The following PARP8 variants were observed in gnomAD, a reference collection of about 807,000 sequenced individuals.
PARP8 encodes the protein protein mono-ADP-ribosyltransferase PARP8.
PARP8 carries 51 observed loss-of-function variants against 124.1 expected under a neutral mutation model. The observed-to-expected ratio is 0.41, with a 90% CI of 0.33 to 0.52. The LOEUF (loss-of-function observed/expected upper bound fraction) is 0.52, where lower values mean the gene tolerates loss of function less well. PARP8 is among the 20% of genes least tolerant of loss of function. The probability of loss-of-function intolerance (pLI) is 0.21; values close to 1 mark genes in which losing one functional copy is unlikely to be tolerated. For missense variants in PARP8, 860 were observed against 1,018.9 expected (o/e 0.84, Z 2.12); for synonymous variants, 391 against 361.5 (o/e 1.08, Z -0.93).
chr5:50,819,672 C>T (rs1028310048), intron 15 of PARP8, among the ~76,000 whole-genome samples: 1 of 152,016 alleles, frequency 6.6e-6, no homozygotes, highest in African/African-American at 2.4e-5. Context: ...AACTCCTGAC[C>T]TCAGGCAATC....
intron 2 of PARP8, among the ~76,000 whole-genome samples, chr5:50,694,495 C>A (rs1752816681): frequency 6.6e-6 from 1 of 151,942 alleles, no homozygotes; most frequent in Non-Finnish European, 1.5e-5. Flanking sequence ...GTCTTGTAAC[C>A]ACATTTCTTG....
intron 2 of PARP8, among the ~76,000 whole-genome samples, chr5:50,746,463 C>A (rs1273549737): frequency 6.6e-6 from 1 of 152,100 alleles, no homozygotes; most frequent in Non-Finnish European, 1.5e-5. Flanking sequence ...AGGTACATAA[C>A]ATGTAAGCAA....
At chr5:50,785,423 G>A (rs998639155) in intron 9 of PARP8, among the ~76,000 whole-genome samples, 7 of 151,896 alleles carry the variant, frequency 4.6e-5, no homozygotes, top group African/African-American at 1.2e-4. Flanking sequence ...AGTGCATTTC[G>A]GATTTTTCTA....
Position 50,821,268 on chromosome 5 carries a change from T to A in PARP8, c.1724T>A (p.Val575Asp), listed in dbSNP as rs1485967645. The change falls in exon 16 of 26, where the codon GTT (valine) becomes GAT (aspartate). Residue 575 changes from valine to aspartate, a missense_variant. Transcript: ENST00000281631. Reference sequence around the variant, plus strand: ...TCTGCGTTGGAATCTCCTAGAAAAGTTGTGATTTTCGAGCCATATCCTTCT... The same window carrying A: ...TCTGCGTTGGAATCTCCTAGAAAAGATGTGATTTTCGAGCCATATCCTTCT... ...CRSALESPRK[V>D]VIFEPYPSVV... 6.2e-7 allele frequency: 1 copy of A among 1,611,160 alleles called. No individual in the cohort carries two copies. Among genetic ancestry groups the A allele is most frequent in the South Asian group, 1.1e-5 (1 of 90,826 alleles).
Position 50,666,902 on chromosome 5 carries a change from C to CG in PARP8, c.-194_-193insG. 1 of 1,293,882 alleles carries CG rather than the reference C, an allele frequency of 7.7e-7. No individual in the cohort carries two copies. The highest frequency in any genetic ancestry group is 9.7e-7 in the Non-Finnish European group (1 of 1,034,238). 80.2% of individuals were successfully genotyped at this position (1,293,882 alleles called of 1,614,324 possible). A position where few individuals can be genotyped will look rare whatever the true frequency, so the allele number is the denominator to read the frequency against. Reference sequence around the variant, plus strand: ...CATCTGGGAATGCAAAGCCGACCTCCCCCTCCTCCTCCTCCTCCCCCTCCT... The same window carrying CG: ...CATCTGGGAATGCAAAGCCGACCTCCGCCCTCCTCCTCCTCCTCCCCCTCCT... On this transcript the variant is annotated 5_prime_UTR_variant, in exon 1 of 26. The change creates a premature stop within an existing upstream ORF in the 5' untranslated region. Transcript: ENST00000281631.
intron 14 of PARP8, among the ~76,000 whole-genome samples, chr5:50,809,102 T>TAA (rs1744165107): frequency 6.6e-6 from 1 of 152,050 alleles, no homozygotes; most frequent in Non-Finnish European, 1.5e-5. Flanking sequence ...AAATAGAGAC[T>TAA]ACTGCATGTT....
At chr5:50,821,615 T>C (rs1339332485) in intron 16 of PARP8, among the ~76,000 whole-genome samples, 2 of 152,204 alleles carry the variant, frequency 1.3e-5, no homozygotes, top group Admixed American at 1.3e-4. Context: ...TCCCCAGCTA[T>C]CTGAAGGTTA....
chr5:50,771,760 G>T (rs1285026041), intron 7 of PARP8, among the ~76,000 whole-genome samples: 1 of 152,086 alleles, frequency 6.6e-6, no homozygotes, highest in East Asian at 1.9e-4. Context: ...GTGCAGATTT[G>T]TGGTTTACAG....
intron 9 of PARP8, among the ~76,000 whole-genome samples, chr5:50,785,586 T>C (rs1741160008): frequency 6.6e-6 from 1 of 152,228 alleles, no homozygotes; most frequent in African/African-American, 2.4e-5. Flanking sequence ...TGTTAGAATG[T>C]TCTTATTCAC....
At chr5:50,783,591 T>C in intron 9 of PARP8, among the ~76,000 whole-genome samples, 1 of 152,202 alleles carries the variant, frequency 6.6e-6, no homozygotes, top group Non-Finnish European at 1.5e-5. Flanking sequence ...ACATATTTGC[T>C]TTCTTAGTGA....
At chr5:50,750,537 A>G (rs1759122778) in intron 3 of PARP8, among the ~76,000 whole-genome samples, 1 of 152,014 alleles carries the variant, frequency 6.6e-6, no homozygotes, top group South Asian at 2.1e-4. Context: ...GGTAACATTT[A>G]TTTGTTTCAG....
intron 7 of PARP8, among the ~76,000 whole-genome samples, chr5:50,765,841 T>C (rs1353188130): frequency 2.6e-5 from 4 of 152,244 alleles, no homozygotes; most frequent in Non-Finnish European, 5.9e-5. Context: ...GGTCTTGAAA[T>C]CATCTTCCTT....
intron 2 of PARP8, among the ~76,000 whole-genome samples, chr5:50,671,631 T>TA (rs1464688597): frequency 6.6e-6 from 1 of 152,152 alleles, no homozygotes; most frequent in Non-Finnish European, 1.5e-5. Flanking sequence ...TGTGTCTATA[T>TA]ACATATAAAA....
chr5:50,779,070 C>G (rs1379065260), intron 9 of PARP8, among the ~76,000 whole-genome samples: 1 of 152,012 alleles, frequency 6.6e-6, no homozygotes, highest in Non-Finnish European at 1.5e-5. Context: ...AATCTTTAAG[C>G]GACAATGTTG....
intron 2 of PARP8, among the ~76,000 whole-genome samples, chr5:50,729,879 C>T (rs952501021): frequency 3.3e-5 from 5 of 152,154 alleles, no homozygotes; most frequent in Non-Finnish European, 5.9e-5. Context: ...GGCCTTGAAA[C>T]ATTTTCTATC....
Position 50,842,142 on chromosome 5 carries a change from T to G in PARP8, c.*74T>G. ...AGCTGGATTTTGAACTGAAGAAGAT[T>G]ATAAAATTATTTATTGTTATTATAA... On this transcript the variant is annotated 3_prime_UTR_variant, in exon 26 of 26. Coordinates refer to ENST00000281631, the MANE Select transcript of PARP8 (RefSeq NM_024615.4). 1.0e-6 allele frequency: 1 copy of G among 992,708 alleles called. No homozygotes were observed. The highest frequency in any genetic ancestry group is 1.5e-6 in the Non-Finnish European group (1 of 665,340). The allele number at this position is 992,708 out of a possible 1,614,324, so 61.5% of individuals were successfully genotyped here.
intron 2 of PARP8, among the ~76,000 whole-genome samples, chr5:50,709,981 CAT>C (rs1331020317): frequency 6.3e-5 from 9 of 142,274 alleles, no homozygotes; most frequent in Non-Finnish European, 9.2e-5. Flanking sequence ...CACACACACA[CAT>C]ATATATACAT....
chr5:50,821,385 TAAC>T (rs760214057), intron 16 of PARP8, 47 bp downstream of exon 16: 6 of 1,600,778 alleles, frequency 3.7e-6, no homozygotes, highest in African/African-American at 1.3e-5. Flanking sequence ...TCTTTAACAA[TAAC>T]AACAATATTG....
At chr5:50,738,441 A>C (rs1757695339) in intron 2 of PARP8, among the ~76,000 whole-genome samples, 1 of 152,220 alleles carries the variant, frequency 6.6e-6, no homozygotes, top group Non-Finnish European at 1.5e-5. Flanking sequence ...TATTTACTAC[A>C]TTAAAATAAT....
Sources: gnomAD v4.1 joint callset for allele counts (sites outside exome capture counted in the v4.1 genomes callset) on GRCh38, gnomAD v4.1.1 for gene constraint, MANE v1.5 for transcripts, NCBI Gene and HGNC (gene_info 2026-07-23, HGNC 2026-07-21) for gene names.